The following PATJ variants were observed in gnomAD, a reference collection of about 807,000 sequenced individuals.
PATJ encodes PATJ crumbs cell polarity complex component.
In PATJ, 190 loss-of-function variants were observed where a neutral mutation model predicts 224.9. The ratio of observed to expected loss-of-function variants is 0.84; its 90% CI spans 0.75 to 0.95. The LOEUF (loss-of-function observed/expected upper bound fraction) is 0.95. Ranked by LOEUF, PATJ falls within the 40% of genes least tolerant of loss-of-function variation. PATJ has a pLI of 0.00. For missense variants in PATJ, 2,121 were observed against 2,270.3 expected, an observed-to-expected ratio of 0.93 and a Z score of 1.34; for synonymous variants, 769 against 820.3, an observed-to-expected ratio of 0.94 and a Z score of 1.07.
intron 30 of PATJ, among the ~76,000 whole-genome samples, chr1:62,044,992 C>T (rs566306728): frequency 2.0e-5 from 3 of 152,182 alleles, no homozygotes; most frequent in South Asian, 2.1e-4. Context: ...CCGAGGCTGG[C>T]GGATCACCTG....
At chr1:62,047,918 A>G (rs1652848425) in intron 30 of PATJ, among the ~76,000 whole-genome samples, 1 of 152,232 alleles carries the variant, frequency 6.6e-6, no homozygotes, top group Non-Finnish European at 1.5e-5. Context: ...TCTATTAACA[A>G]TAATTGTTTG....
intron 33 of PATJ, among the ~76,000 whole-genome samples, chr1:62,087,737 T>C (rs368234597): frequency 6.6e-6 from 1 of 151,454 alleles, no homozygotes; most frequent in African/African-American, 2.4e-5. Context: ...TTCTGCTTGA[T>C]AAAAGTACTG....
At chr1:61,782,434 C>T (rs1647532741) in intron 7 of PATJ, among the ~76,000 whole-genome samples, 1 of 152,162 alleles carries the variant, frequency 6.6e-6, no homozygotes, top group Non-Finnish European at 1.5e-5. Flanking sequence ...TTTGGCCATA[C>T]ACTTTGTCCA....
rs1441205621 is a variant in PATJ at position 62,092,730 on chromosome 1, A to T, written c.4377+8082A>T. On this transcript the variant is annotated intron_variant, in intron 33 of 43. Coordinates refer to ENST00000642238, the MANE Select transcript of PATJ (RefSeq NM_001350145.3). ...TGCACCTGGCAAGAAAACGACTTTT[A>T]TTTATTTATTTATTTATTTTTTTAT... Among the ~76,000 whole-genome samples, 8 of 151,510 alleles carry T rather than the reference A, an allele frequency of 5.3e-5. 1 individual carries two copies. Among genetic ancestry groups the T allele is most frequent in the Non-Finnish European group, 1.0e-4 (7 of 67,932 alleles).
intron 27 of PATJ, among the ~76,000 whole-genome samples, chr1:61,977,271 G>A (rs1644189323): frequency 6.6e-6 from 1 of 151,996 alleles, no homozygotes; most frequent in Non-Finnish European, 1.5e-5. Context: ...TGTATTTGTA[G>A]TAGAGATGGG....
chr1:61,953,240 A>G (rs1347596431), intron 27 of PATJ, among the ~76,000 whole-genome samples: 1 of 152,222 alleles, frequency 6.6e-6, no homozygotes, highest in African/African-American at 2.4e-5. Context: ...TAATAGGGGT[A>G]TTCTTGCATA....
At chr1:62,013,431 C>G (rs1458455054) in intron 28 of PATJ, 3 of 985,214 alleles carry the variant, frequency 3.0e-6, no homozygotes, top group Non-Finnish European at 3.6e-6. Context: ...CTCAGCACAT[C>G]CTCATTGAGG....
Position 61,916,895 on chromosome 1 carries a change from T to C in PATJ, c.3570+2231T>C, listed in dbSNP as rs553208878. Among the ~76,000 whole-genome samples, 17 of 152,298 alleles carry C rather than the reference T, an allele frequency of 1.1e-4. No homozygotes were observed. The South Asian group carries it at 3.1e-3, about 28-fold the overall frequency. On this transcript the variant is annotated intron_variant, in intron 26 of 43. Coordinates refer to ENST00000642238, the MANE Select transcript of PATJ (RefSeq NM_001350145.3). ...TGTCCTCTTGTGCTGAGTCAGTTCCTTGGGGGAGGTGAGGCAGAAGACCAG... is the reference window on the plus strand; with the variant it reads ...TGTCCTCTTGTGCTGAGTCAGTTCCCTGGGGGAGGTGAGGCAGAAGACCAG...
intron 1 of PATJ, among the ~76,000 whole-genome samples, chr1:61,755,631 G>A (rs1010767409): frequency 6.6e-6 from 1 of 152,124 alleles, no homozygotes; most frequent in Non-Finnish European, 1.5e-5. Flanking sequence ...AGTCTGCTTA[G>A]CATTGTTTAC....
intron 43 of PATJ, among the ~76,000 whole-genome samples, chr1:62,156,319 C>G (rs1370232398): frequency 6.6e-6 from 1 of 151,908 alleles, no homozygotes; most frequent in African/African-American, 2.4e-5. Flanking sequence ...CACTTGAGGT[C>G]AGGAGTTTAG....
At position 62,148,394 on chromosome 1, in the gene PATJ, A is replaced by G; in HGVS notation, c.5378+4A>G. The G allele has an allele frequency of 1.3e-6, 2 of 1,598,714 alleles. No individual in the cohort carries two copies. The highest frequency in any genetic ancestry group is 1.3e-5 in the African/African-American group (1 of 74,772). On this transcript the variant is annotated splice_donor_region_variant and intron_variant, in intron 42 of 43. Transcript: ENST00000642238. Reference sequence around the variant, plus strand: ...AACACCATCCAGAAGACACAGAGTGAGTATTTCAGATGCAGAGGGCCTATT... The same window carrying G: ...AACACCATCCAGAAGACACAGAGTGGGTATTTCAGATGCAGAGGGCCTATT...
intron 20 of PATJ, among the ~76,000 whole-genome samples, chr1:61,869,138 G>T (rs1170784052): frequency 1.5e-5 from 2 of 129,472 alleles, no homozygotes; most frequent in East Asian, 2.3e-4. Context: ...ACGGAGTCTC[G>T]CTCTGTCGCC....
intron 29 of PATJ, among the ~76,000 whole-genome samples, chr1:62,023,244 C>T (rs1024768312): frequency 6.7e-6 from 1 of 150,016 alleles, no homozygotes; most frequent in Non-Finnish European, 1.5e-5. Context: ...GAGCCGAGAT[C>T]GCGCCATTGC....
At chr1:62,067,038 A>G (rs1035493554) in intron 31 of PATJ, among the ~76,000 whole-genome samples, 3 of 151,894 alleles carry the variant, frequency 2.0e-5, no homozygotes, top group African/African-American at 7.3e-5. Flanking sequence ...ACCTCTAGCC[A>G]TATGACCCCT....
rs138420880 is a variant in PATJ at position 61,769,322 on chromosome 1, A to C, written c.424A>C (p.Thr142Pro). Residue 142 changes from threonine (T) to proline (P), a missense_variant, in exon 5 of 44, where the codon ACT (threonine) becomes CCT (proline). Physicochemically the swap from Thr to Pro is conservative, Grantham distance 38 (BLOSUM62 -1). Coordinates refer to ENST00000642238, the MANE Select transcript of PATJ (RefSeq NM_001350145.3). The stretch of plus-strand genomic sequence containing the variant: ...ATATATAGATATAGAACGGCCTTCA[A>C]CTGGAGGCCTTGGATTCAGTGTGGT... ...IEYIDIERPS[T>P]GGLGFSVVAL... 6 of 1,613,784 alleles carry C rather than the reference A, an allele frequency of 3.7e-6. No individual in the cohort carries two copies. The Admixed American group carries it at 6.7e-5, about 18-fold the overall frequency.
chr1:62,065,944 G>A (rs1200621266), intron 31 of PATJ, among the ~76,000 whole-genome samples: 1 of 152,178 alleles, frequency 6.6e-6, no homozygotes, highest in African/African-American at 2.4e-5. Flanking sequence ...TCGGTTTTCT[G>A]GGAAGCCTTA....
At chr1:61,744,272 A>AG (rs1183963886) in intron 1 of PATJ, among the ~76,000 whole-genome samples, 1 of 143,370 alleles carries the variant, frequency 7.0e-6, no homozygotes, top group Non-Finnish European at 1.5e-5. Context: ...TGACAGAGCA[A>AG]GAACCCTGTC....
Position 61,787,873 on chromosome 1 carries a change from CGTT to C in PATJ, c.971_973del (p.Val324del). 6.2e-7 allele frequency: 1 copy of C among 1,614,104 alleles called. No homozygotes were observed. Among genetic ancestry groups the C allele is most frequent in the South Asian group, 1.1e-5 (1 of 91,084 alleles). On this transcript the variant is annotated inframe_deletion, in exon 8 of 44. Transcript: ENST00000642238. The stretch of plus-strand genomic sequence containing the variant: ...ACTGTGGGAATTCAGTCAGGATGCT[CGTT>C]GCTAGAGATCCAGCTGGTGACATTT...
intron 28 of PATJ, among the ~76,000 whole-genome samples, chr1:62,007,175 T>C (rs746765029): frequency 2.6e-5 from 4 of 152,166 alleles, no homozygotes; most frequent in Non-Finnish European, 5.9e-5. Context: ...CTACTATAAT[T>C]TGCTACTGAA....
Sources: allele counts gnomAD v4.1 joint callset (sites outside exome capture counted in the v4.1 genomes callset), GRCh38; gene constraint gnomAD v4.1.1; transcripts MANE v1.5; gene names NCBI Gene and HGNC (gene_info 2026-07-23, HGNC 2026-07-21).